PTGR1: variants seen among roughly 807,000 people sequenced by gnomAD.
The protein encoded by PTGR1 is 15-oxoprostaglandin 13-reductase.
A neutral mutation model predicts 37.7 loss-of-function variants in PTGR1; 23 were observed. The ratio of observed to expected loss-of-function variants is 0.61; its 90% CI spans 0.44 to 0.86. PTGR1 has a LOEUF of 0.86. Ranked by LOEUF, PTGR1 falls within the 40% of genes least tolerant of loss-of-function variation. The pLI, the probability that PTGR1 is intolerant of heterozygous loss-of-function variation, is 0.00. For synonymous variants in PTGR1, 134 were observed against 140.0 expected (o/e 0.96, Z 0.30); for missense variants, 351 against 394.3 (o/e 0.89, Z 0.93).
In PTGR1 at chr9:111,598,772, G is replaced by T. The variant is rs75253553; in HGVS notation, c.-11+831C>A. On this transcript the variant is annotated intron_variant, in intron 1 of 9. Coordinates refer to ENST00000407693, the MANE Select transcript of PTGR1 (RefSeq NM_001146108.2). ...GACCTTCCATAGTGCTGGGATTACA[G>T]GCGTGAGCCACCGCGCCAGGCCCTA... is the stretch of plus-strand genomic sequence containing the variant. Among the ~76,000 whole-genome samples, 1,078 of 152,302 alleles carry T rather than the reference G, an allele frequency of 7.1e-3. 8 individuals carry two copies. The highest frequency in any genetic ancestry group is 0.025 in the African/African-American group (1,042 of 41,558).
chr9:111,571,656 TTTTG>T (rs112914784), intron 8 of PTGR1, among the ~76,000 whole-genome samples: 34 of 151,392 alleles, frequency 2.2e-4, no homozygotes, highest in Admixed American at 7.3e-4. Flanking sequence ...TTTTTTTAGT[TTTTG>T]TTTGTTTGTT....
chr9:111,586,803 C>CTCTCTA (rs1272719502), intron 4 of PTGR1, among the ~76,000 whole-genome samples: 244 of 143,736 alleles, frequency 1.7e-3, no homozygotes, highest in African/African-American at 4.9e-3. Context: ...CTCTCTCTCT[C>CTCTCTA]TATATATATA....
intron 4 of PTGR1, among the ~76,000 whole-genome samples, chr9:111,586,718 CA>C (rs1207320099): frequency 6.6e-6 from 1 of 151,946 alleles, no homozygotes; most frequent in Non-Finnish European, 1.5e-5. Flanking sequence ...ACTAAGGTCA[CA>C]ACAACCTCCT....
rs1365450870 is a variant in PTGR1 at position 111,570,189 on chromosome 9, TAAC to T, written c.778_780del (p.Val260del). On this transcript the variant is annotated inframe_deletion, in exon 9 of 10. Coordinates refer to ENST00000407693, the MANE Select transcript of PTGR1 (RefSeq NM_001146108.2). ...GCTTCCATGCGAAGCTCCTGATAGA[TAAC>T]AATCTCTGGGGGTGGGCCTGTGAAG... is the stretch of plus-strand genomic sequence containing the variant. 2 of 1,613,912 alleles carry T rather than the reference TAAC, an allele frequency of 1.2e-6. No individual in the cohort carries two copies. The highest frequency in any genetic ancestry group is 3.3e-5 in the Admixed American group (2 of 60,000).
rs1827889223 is a variant in PTGR1, at chr9:111,549,873, C to T, written c.880-74G>A. On this transcript the variant is annotated intron_variant, in intron 9 of 9. Coordinates refer to the PTGR1 transcript ENST00000538962. ...TTGCTTTAAAGTCTGTCTAGTGAGT[C>T]AATGTTTGGTCTTCCTCATGTCCAT... The T allele has an allele frequency of 3.2e-6, 3 of 924,992 alleles. No individual in the cohort carries two copies. In the Admixed American group the frequency reaches 6.9e-5, roughly 21 times the overall value. 57.3% of individuals were successfully genotyped at this position (924,992 alleles called of 1,614,324 possible). A position where few individuals can be genotyped will look rare whatever the true frequency, so the allele number is the denominator to read the frequency against.
chr9:111,588,207 T>C (rs1829499848), intron 4 of PTGR1, among the ~76,000 whole-genome samples: 1 of 150,306 alleles, frequency 6.7e-6, no homozygotes, highest in Non-Finnish European at 1.5e-5. Context: ...TTTTTTTTTT[T>C]TTTTTTTGAG....
In PTGR1 at chr9:111,597,215, C is replaced by T. The variant is rs533206733; in HGVS notation, c.106+102G>A. On this transcript the variant is annotated intron_variant, in intron 2 of 9. Transcript: ENST00000407693. The stretch of plus-strand genomic sequence containing the variant: ...CCCAAAGAATTGTGAACTAATAAAC[C>T]GTTGTTGCTTAAAGTCACTAAACTT... 34 of 870,416 alleles carry T rather than the reference C, an allele frequency of 3.9e-5. No homozygotes were observed. The African/African-American group carries it at 4.3e-4, about 11-fold the overall frequency. The allele number at this position is 870,416 out of a possible 1,614,324, so 53.9% of individuals were successfully genotyped here. A position where few individuals can be genotyped will look rare whatever the true frequency, so the allele number is the denominator to read the frequency against.
In PTGR1 at chr9:111,563,106, C is replaced by T; in HGVS notation, c.*15G>A. The T allele has an allele frequency of 1.2e-6, 2 of 1,611,574 alleles. No homozygotes were observed. The highest frequency in any genetic ancestry group is 4.5e-5 in the East Asian group (2 of 44,816). ...AATCATCTAAATGGCCTCCAGATTC[C>T]ATGTGTCCTCTTTTTCATGCTTTCA... On this transcript the variant is annotated 3_prime_UTR_variant, in exon 10 of 10. Transcript: ENST00000407693.
At chr9:111,594,620 GGCT>G (rs1829726053) in intron 2 of PTGR1, among the ~76,000 whole-genome samples, 1 of 119,826 alleles carries the variant, frequency 8.3e-6, no homozygotes, top group Admixed American at 1.0e-4. Context: ...GCGTGATCTT[GGCT>G]CACTGGAAGC....
intron 4 of PTGR1, among the ~76,000 whole-genome samples, chr9:111,588,779 G>C (rs1367487562): frequency 6.6e-6 from 1 of 152,058 alleles, no homozygotes; most frequent in Non-Finnish European, 1.5e-5. Context: ...ACCCACCTCA[G>C]CCTCCCAAAG....
At position 111,586,133 on chromosome 9, in the gene PTGR1, T is replaced by G; in HGVS notation, c.242A>C (p.Lys81Thr). ...VVESKNVALP[K>T]GTIVLASPGW... ...TGGAGAAGCCAGTACAATAGTTCCT[T>G]TTGGTAGGGCTACATTTTTACTTTC... Residue 81 changes from lysine to threonine, a missense_variant, in exon 5 of 10, where the codon AAA (lysine) becomes ACA (threonine). By Grantham distance (78) the Lys-to-Thr change is moderately conservative. Transcript: ENST00000407693. 2 of 1,614,152 alleles carry G rather than the reference T, an allele frequency of 1.2e-6. No individual in the cohort carries two copies. Among genetic ancestry groups the G allele is most frequent in the Non-Finnish European group, 1.7e-6 (2 of 1,179,990 alleles).
intron 4 of PTGR1, 36 bp downstream of exon 4, chr9:111,592,888 CAT>C: frequency 6.7e-7 from 1 of 1,498,490 alleles, no homozygotes; most frequent in South Asian, 1.2e-5. Context: ...AAAGAGGAGA[CAT>C]ATTTTCCAAG....
intron 1 of PTGR1, among the ~76,000 whole-genome samples, chr9:111,598,341 C>A (rs553435013): frequency 6.6e-6 from 1 of 151,280 alleles, no homozygotes. Flanking sequence ...AATCCAGTTA[C>A]GAAACCATTT....
rs377444137 is a variant in PTGR1, at chr9:111,554,241, A to T, written c.880-4442T>A. On this transcript the variant is annotated intron_variant, in intron 9 of 9. Transcript: ENST00000538962. ...TGGGTTTTTTGTTTGTTTGCCTGGG[A>T]GCATTGTGGAAAAATGGCCATGGTA... Among the ~76,000 whole-genome samples, 191 of 152,310 alleles carry T rather than the reference A, an allele frequency of 1.3e-3. 4 individuals carry two copies. The South Asian group carries it at 0.038, about 30-fold the overall frequency.
At chr9:111,586,461 C>T (rs1253619014) in intron 4 of PTGR1, among the ~76,000 whole-genome samples, 1 of 152,100 alleles carries the variant, frequency 6.6e-6, no homozygotes, top group Non-Finnish European at 1.5e-5. Flanking sequence ...TCAAGGTGAC[C>T]TGGACACTAG....
chr9:111,552,087 G>GT (rs1827980849), intron 9 of PTGR1, among the ~76,000 whole-genome samples: 1 of 151,440 alleles, frequency 6.6e-6, no homozygotes, highest in Admixed American at 6.6e-5. Context: ...AATTTAGCTT[G>GT]TTCATATGCA....
downstream of PTGR1, among the ~76,000 whole-genome samples, chr9:111,557,687 C>T (rs1275284064): frequency 3.3e-5 from 5 of 152,076 alleles, no homozygotes; most frequent in African/African-American, 1.2e-4. Flanking sequence ...ACCTCGGCCT[C>T]CCTAAGTGCT....
chr9:111,569,930 T>C (rs1276859467), intron 9 of PTGR1, 161 bp downstream of exon 9: 2 of 1,175,394 alleles, frequency 1.7e-6, no homozygotes, highest in Non-Finnish European at 2.4e-6. Flanking sequence ...CTTTCAAAGA[T>C]GGGAAAAGTA....
chr9:111,566,653 C>T (rs1828574107), intron 9 of PTGR1, among the ~76,000 whole-genome samples: 1 of 152,168 alleles, frequency 6.6e-6, no homozygotes, highest in African/African-American at 2.4e-5. Context: ...AGCTGTGGCA[C>T]ATGTATGCAC....
Sources: allele counts gnomAD v4.1 joint callset (sites outside exome capture counted in the v4.1 genomes callset), GRCh38; gene constraint gnomAD v4.1.1; transcripts MANE v1.5; gene names NCBI Gene and HGNC (gene_info 2026-07-23, HGNC 2026-07-21).